BBS9: variants seen among roughly 807,000 people sequenced by gnomAD.
BBS9 encodes protein PTHB1.
BBS9 carries 89 observed loss-of-function variants against 117.7 expected under a neutral mutation model. The ratio of observed to expected loss-of-function variants is 0.76; its 90% confidence interval spans 0.64 to 0.90. BBS9 has a LOEUF of 0.90. Ranked by LOEUF, BBS9 falls within the 40% of genes least tolerant of loss-of-function variation. The probability of loss-of-function intolerance (pLI) is 0.00; values close to 1 mark genes in which losing one functional copy is unlikely to be tolerated. For synonymous variants in BBS9, 379 were observed against 370.9 expected, an observed-to-expected ratio of 1.02 and a Z score of -0.25; for missense variants, 982 against 1,042.2, an observed-to-expected ratio of 0.94 and a Z score of 0.80.
At chr7:33,632,952 A>G (rs1388724708) in intron 21 of BBS9, among the ~76,000 whole-genome samples, 1 of 152,144 alleles carries the variant, frequency 6.6e-6, no homozygotes, top group Non-Finnish European at 1.5e-5. Flanking sequence ...GGTTTGTGAC[A>G]AAGGATCAAG....
intron 21 of BBS9, among the ~76,000 whole-genome samples, chr7:33,579,536 C>T (rs1049657414): frequency 2.0e-5 from 3 of 152,236 alleles, no homozygotes; most frequent in South Asian, 2.1e-4. Context: ...CATCAATTTT[C>T]GCCTCAAACA....
chr7:33,136,384 CA>C (rs764645275), intron 1 of BBS9, among the ~76,000 whole-genome samples: 18 of 152,004 alleles, frequency 1.2e-4, no homozygotes, highest in Admixed American at 2.6e-4. Context: ...TGAGAGCATC[CA>C]GTATGATTTT....
At chr7:33,472,158 T>G (rs1354983931) in intron 19 of BBS9, among the ~76,000 whole-genome samples, 1 of 152,096 alleles carries the variant, frequency 6.6e-6, no homozygotes, top group African/African-American at 2.4e-5. Context: ...CAAGGATAAA[T>G]AGTGACTCTT....
intron 9 of BBS9, among the ~76,000 whole-genome samples, chr7:33,297,844 A>G (rs1805591081): frequency 1.3e-5 from 2 of 152,186 alleles, no homozygotes; most frequent in Admixed American, 6.5e-5. Context: ...CACAAATACC[A>G]TCATCTTATT....
chr7:33,389,890 A>G (rs766321727), intron 19 of BBS9, among the ~76,000 whole-genome samples: 2 of 152,066 alleles, frequency 1.3e-5, no homozygotes, highest in Non-Finnish European at 2.9e-5. Flanking sequence ...CCATAAAATG[A>G]GATGACTACT....
intron 19 of BBS9, among the ~76,000 whole-genome samples, chr7:33,394,607 T>C (rs1239226447): frequency 6.6e-6 from 1 of 152,212 alleles, no homozygotes; most frequent in Non-Finnish European, 1.5e-5. Context: ...TGAAAGAATT[T>C]TCATCTTTAC....
chr7:33,466,840 G>A (rs752094887), intron 19 of BBS9, among the ~76,000 whole-genome samples: 3 of 152,106 alleles, frequency 2.0e-5, no homozygotes, highest in Non-Finnish European at 2.9e-5. Flanking sequence ...AAGGGACTTT[G>A]TCACAAGCAT....
chr7:33,442,523 AC>A (rs2128899556), intron 19 of BBS9, among the ~76,000 whole-genome samples: 1 of 152,366 alleles, frequency 6.6e-6, no homozygotes, highest in Admixed American at 6.5e-5. Flanking sequence ...TGAGGGGTGA[AC>A]ATTAATAATG....
At chr7:33,463,934 G>T (rs930895442) in intron 19 of BBS9, among the ~76,000 whole-genome samples, 27 of 152,026 alleles carry the variant, frequency 1.8e-4, no homozygotes, top group Non-Finnish European at 1.5e-5. Context: ...TCCATTGCCT[G>T]TTGTTCAGTG....
intron 5 of BBS9, among the ~76,000 whole-genome samples, chr7:33,221,634 G>A (rs1162656880): frequency 6.6e-6 from 1 of 152,110 alleles, no homozygotes; most frequent in African/African-American, 2.4e-5. Context: ...TAAATCTAGA[G>A]TACTTCAGGC....
At chr7:33,303,360 A>C (rs535025763) in intron 9 of BBS9, among the ~76,000 whole-genome samples, 1 of 151,988 alleles carries the variant, frequency 6.6e-6, no homozygotes, top group Non-Finnish European at 1.5e-5. Flanking sequence ...AGAAAAGTCA[A>C]TTTTTCCCTA....
At chr7:33,518,788 T>C (rs543150901) in intron 20 of BBS9, among the ~76,000 whole-genome samples, 1 of 152,366 alleles carries the variant, frequency 6.6e-6, no homozygotes, top group Non-Finnish European at 1.5e-5. Context: ...TCACTATTAC[T>C]CTACAGTTTT....
chr7:33,167,347 G>T (rs897248570), intron 4 of BBS9, among the ~76,000 whole-genome samples: 1 of 151,378 alleles, frequency 6.6e-6, no homozygotes, highest in Non-Finnish European at 1.5e-5. Flanking sequence ...TTTTTGTCCT[G>T]CTTGGGTTAG....
intron 9 of BBS9, among the ~76,000 whole-genome samples, chr7:33,305,100 C>T (rs1380233982): frequency 6.6e-6 from 1 of 151,092 alleles, no homozygotes; most frequent in Non-Finnish European, 1.5e-5. Context: ...GCCACATCCC[C>T]CTCTCCGAGA....
chr7:33,284,192 T>A (rs1802445947), intron 9 of BBS9, among the ~76,000 whole-genome samples: 1 of 152,194 alleles, frequency 6.6e-6, no homozygotes, highest in South Asian at 2.1e-4. Context: ...CTTGGCATCC[T>A]ATCATACTGT....
intron 9 of BBS9, among the ~76,000 whole-genome samples, chr7:33,331,673 A>AC (rs1337567498): frequency 1.3e-5 from 2 of 150,994 alleles, no homozygotes; most frequent in African/African-American, 2.4e-5. Context: ...AAAAAAAAAA[A>AC]AAACCACACA....
intron 21 of BBS9, among the ~76,000 whole-genome samples, chr7:33,548,835 A>C (rs60937913): frequency 0.61 from 89,598 of 146,456 alleles, 28,234 homozygotes; most frequent in African/African-American, 0.76. Flanking sequence ...CAATATCGTG[A>C]AAATGGCCAT....
rs1219560503 is a variant in BBS9 at position 33,509,254 on chromosome 7, AG to A, written c.2298+3611del. ...GACAGCTTATACATCTTGAGAAAAAAGGAAACCTTTTTCATTCTTTAAGACA... is the reference window on the plus strand; with the variant it reads ...GACAGCTTATACATCTTGAGAAAAAAGAAACCTTTTTCATTCTTTAAGACA... On this transcript the variant is annotated intron_variant, in intron 20 of 22. Transcript: ENST00000242067. 4.6e-5 allele frequency among the ~76,000 whole-genome samples: 7 copies of A among 152,226 alleles called. No homozygotes were observed. In the East Asian group the frequency reaches 1.3e-3, roughly 29 times the overall value.
chr7:33,260,782 G>A (rs1562894770), intron 6 of BBS9, among the ~76,000 whole-genome samples: 1 of 152,192 alleles, frequency 6.6e-6, no homozygotes, highest in Non-Finnish European at 1.5e-5. Context: ...AGGAGGCCTC[G>A]AGGTGGGACC....
Sources: gnomAD v4.1 joint callset for allele counts (sites outside exome capture counted in the v4.1 genomes callset) on GRCh38, gnomAD v4.1.1 for gene constraint, MANE v1.5 for transcripts, NCBI Gene and HGNC (gene_info 2026-07-23, HGNC 2026-07-21) for gene names.